The following PRDM15 variants were observed in gnomAD, a reference collection of about 807,000 sequenced individuals.
PRDM15 encodes PR/SET domain 15.
A neutral mutation model predicts 128.6 loss-of-function variants in PRDM15; 64 were observed. The ratio of observed to expected loss-of-function variants is 0.50; its 90% CI spans 0.41 to 0.61. The LOEUF (loss-of-function observed/expected upper bound fraction) is 0.61, where lower values mean the gene tolerates loss of function less well. Ranked by LOEUF, PRDM15 falls within the 20% of genes least tolerant of loss-of-function variation. PRDM15 has a pLI of 0.00. For synonymous variants in PRDM15, 615 were observed against 621.8 expected (o/e 0.99, Z 0.16); for missense variants, 1,242 against 1,569.1 (o/e 0.79, Z 3.52).
chr21:41,877,887 T>C (rs1244767991), intron 1 of PRDM15, among the ~76,000 whole-genome samples: 2 of 152,210 alleles, frequency 1.3e-5, no homozygotes, highest in Non-Finnish European at 2.9e-5. Context: ...AAAAATGGTG[T>C]TTTTGCTCTT....
chr21:41,807,071 T>C (rs1356039401), intron 21 of PRDM15, among the ~76,000 whole-genome samples: 1 of 151,402 alleles, frequency 6.6e-6, no homozygotes, highest in Non-Finnish European at 1.5e-5. Context: ...TTTACCACCA[T>C]CTCCACCACT....
chr21:41,818,461 T>TTTTA (rs398071686), intron 18 of PRDM15, among the ~76,000 whole-genome samples: 1 of 151,852 alleles, frequency 6.6e-6, no homozygotes, highest in Non-Finnish European at 1.5e-5. Context: ...GCTGCTTTTT[T>TTTTA]AATAACCACC....
intron 14 of PRDM15, chr21:41,823,112 A>G: frequency 1.5e-6 from 1 of 645,542 alleles, no homozygotes; most frequent in Non-Finnish European, 2.8e-6. Flanking sequence ...ACACAGTGAG[A>G]AGGCGCCGTC....
Position 41,803,124 on chromosome 21 carries a change from A to G in PRDM15, c.2734-203T>C, listed in dbSNP as rs141338128. 1.0e-3 allele frequency: 602 copies of G among 591,644 alleles called. 6 individuals are homozygous for G. The East Asian group carries it at 0.014, about 14-fold the overall frequency. The allele number at this position is 591,644 out of a possible 1,614,324, so 36.6% of individuals were successfully genotyped here. A position where few individuals can be genotyped will look rare whatever the true frequency, so the allele number is the denominator to read the frequency against. On this transcript the variant is annotated intron_variant, in intron 22 of 23. Transcript: ENST00000398548. ...CAAGTTCCTTTAGTTGCAGATTTAA[A>G]AAAAAAATACATGCAAGTCATATTT...
chr21:41,845,801 T>C (rs1237501245), intron 6 of PRDM15, among the ~76,000 whole-genome samples: 2 of 152,076 alleles, frequency 1.3e-5, no homozygotes, highest in Non-Finnish European at 2.9e-5. Context: ...CACTCAAAAC[T>C]AGTTATTAAG....
At chr21:41,855,493 A>C (rs1329412532) in intron 4 of PRDM15, among the ~76,000 whole-genome samples, 23 of 152,078 alleles carry the variant, frequency 1.5e-4, no homozygotes, top group Non-Finnish European at 4.4e-5. Flanking sequence ...CCCCTCTCCT[A>C]AGCTTCTCCT....
In PRDM15 at chr21:41,862,477, C is replaced by T. The variant is rs1035653714; in HGVS notation, c.-9-2105G>A. Reference sequence around the variant, plus strand: ...GCCCCCAAAAAAGGTCCCCTCTGAGCGGAGCTGCTGGGAGAGGAAACCCAG... The same window carrying T: ...GCCCCCAAAAAAGGTCCCCTCTGAGTGGAGCTGCTGGGAGAGGAAACCCAG... On this transcript the variant is annotated intron_variant, in intron 1 of 23. Transcript: ENST00000398548. The surrounding 1 kb of genome is among the most constrained non-coding windows in gnomAD (Gnocchi z 4.1). Among the ~76,000 whole-genome samples the T allele has an allele frequency of 3.9e-5, 6 of 152,092 alleles. No homozygotes were observed. The highest frequency in any genetic ancestry group is 1.2e-4 in the African/African-American group (5 of 41,420).
At chr21:41,804,737 C>T (rs1335309239) in intron 21 of PRDM15, 123 bp from the exon 22 acceptor site, 16 of 664,804 alleles carry the variant, frequency 2.4e-5, no homozygotes, top group East Asian at 8.9e-5. Context: ...AGGCATCCCC[C>T]GCACTTCCCA....
At chr21:41,805,803 A>G (rs564427381) in intron 21 of PRDM15, among the ~76,000 whole-genome samples, 9 of 135,732 alleles carry the variant, frequency 6.6e-5, no homozygotes, top group African/African-American at 2.2e-4. Flanking sequence ...CACCAACACA[A>G]CCACCTCCAT....
intron 21 of PRDM15, among the ~76,000 whole-genome samples, chr21:41,804,911 G>A (rs1293912291): frequency 6.6e-5 from 10 of 152,224 alleles, no homozygotes; most frequent in African/African-American, 2.4e-4. Context: ...CCCACCAAAG[G>A]GGTGAGGTTT....
At chr21:41,805,136 T>C (rs1025826965) in intron 21 of PRDM15, among the ~76,000 whole-genome samples, 1 of 151,986 alleles carries the variant, frequency 6.6e-6, no homozygotes, top group African/African-American at 2.4e-5. Context: ...CTGAACGGGG[T>C]CCTCAGCACG....
chr21:41,866,108 A>G (rs1446219998), intron 1 of PRDM15, among the ~76,000 whole-genome samples: 1 of 152,118 alleles, frequency 6.6e-6, no homozygotes, highest in African/African-American at 2.4e-5. Context: ...CCTTTTGTTC[A>G]ATTCTTATGT....
chr21:41,823,311 T>C lies in PRDM15; in HGVS notation c.1761+7A>G, dbSNP rs2062352093. 6.2e-7 allele frequency: 1 copy of C among 1,607,880 alleles called. No homozygotes were observed. Among genetic ancestry groups the C allele is most frequent in the African/African-American group, 1.3e-5 (1 of 74,806 alleles). On this transcript the variant is annotated splice_region_variant and intron_variant, in intron 14 of 23. Coordinates refer to ENST00000398548, the MANE Select transcript of PRDM15 (RefSeq NM_001040424.3). ...ATGCCTGGGTGAGGGCAGCACGCGA[T>C]CGACACCTTGAAGTGGACATGGATG...
intron 11 of PRDM15, among the ~76,000 whole-genome samples, chr21:41,833,610 T>G (rs1395745741): frequency 1.3e-5 from 2 of 152,176 alleles, no homozygotes; most frequent in Non-Finnish European, 2.9e-5. Flanking sequence ...CATTTCAAGG[T>G]TTTTATCCTT....
At position 41,804,569 on chromosome 21, in the gene PRDM15, T is replaced by C; in HGVS notation, c.2698A>G (p.Thr900Ala). The change falls in exon 22 of 24, where the codon ACC becomes GCC. Residue 900 changes from threonine (T) to alanine (A), a missense_variant. Thr to Ala is a moderately conservative substitution (Grantham distance 58, BLOSUM62 0). This residue lies in a region of PRDM15 where 602 missense variants were observed against 788.3 expected (regional missense o/e 0.76). Transcript: ENST00000398548. The stretch of plus-strand genomic sequence containing the variant: ...CCAATGGAGGAGGCGTCGATGGTGG[T>C]GGTCTCCGGGAGGTGGTCCAGGTCA... The part of the protein sequence containing the change: ...IDDLDHLPET[T>A]TIDASSIGIV... 1.3e-6 allele frequency: 2 copies of C among 1,572,090 alleles called. No homozygotes were observed. Among genetic ancestry groups the C allele is most frequent in the Non-Finnish European group, 8.6e-7 (1 of 1,158,462 alleles).
chr21:41,810,589 G>T lies in PRDM15; in HGVS notation c.2476+164C>A. 9.2e-6 allele frequency: 6 copies of T among 652,564 alleles called. No individual in the cohort carries two copies. In the South Asian group the frequency reaches 1.1e-4, roughly 12 times the overall value. The allele number at this position is 652,564 out of a possible 1,614,324, so 40.4% of individuals were successfully genotyped here. ...AAGGGATACTTGAAAGCTGTGGCGG[G>T]TTGACCTTCAGAGGCCAAGGGGCCA... On this transcript the variant is annotated intron_variant, in intron 20 of 23. Transcript: ENST00000398548. This position sits in a 1 kb window ranked among gnomAD's most constrained non-coding sequence, Gnocchi z 6.4.
chr21:41,874,463 T>A (rs1231962310), intron 1 of PRDM15, among the ~76,000 whole-genome samples: 1 of 148,128 alleles, frequency 6.8e-6, no homozygotes, highest in Non-Finnish European at 1.5e-5. Context: ...ATGTTTTTGG[T>A]CACAATAAAA....
chr21:41,826,131 C>G (rs2062462456), intron 12 of PRDM15, 77 bp from the exon 13 acceptor site: 1 of 1,246,876 alleles, frequency 8.0e-7, no homozygotes, highest in East Asian at 2.3e-5. Context: ...CCACTTCAGC[C>G]AGCATCCTTT....
At chr21:41,872,447 T>A (rs190488147) in intron 1 of PRDM15, among the ~76,000 whole-genome samples, 2 of 152,206 alleles carry the variant, frequency 1.3e-5, no homozygotes, top group Non-Finnish European at 2.9e-5. Context: ...TATTAAAACA[T>A]TTTTTTCTTC....
Sources: allele counts gnomAD v4.1 joint callset (sites outside exome capture counted in the v4.1 genomes callset), GRCh38; gene constraint gnomAD v4.1.1; regional missense constraint gnomAD v4.1.1; non-coding constraint Gnocchi (gnomAD v3.1); transcripts MANE v1.5; gene names NCBI Gene and HGNC (gene_info 2026-07-23, HGNC 2026-07-21).